Variants in VAC14 observed in about 807,000 individuals in gnomAD.
VAC14 encodes VAC14 component of PIKFYVE complex.
VAC14 carries 47 observed loss-of-function variants against 85.3 expected under a neutral mutation model. The observed-to-expected ratio is 0.55, with a 90% CI of 0.44 to 0.70. The LOEUF is 0.70. Ranked by LOEUF, VAC14 falls within the 30% of genes least tolerant of loss-of-function variation. The pLI is 0.00. For missense variants in VAC14, 861 were observed against 1,004.3 expected (o/e 0.86, Z 1.93); for synonymous variants, 447 against 430.5 (o/e 1.04, Z -0.47).
At chr16:70,768,738 A>G in intron 10 of VAC14, 2 of 436,322 alleles carry the variant, frequency 4.6e-6, no homozygotes, top group Admixed American at 5.2e-5. Context: ...CTGGGATGCA[A>G]GGATTGCTTC....
At chr16:70,798,072 A>G (rs533511671) in intron 1 of VAC14, among the ~76,000 whole-genome samples, 4 of 152,296 alleles carry the variant, frequency 2.6e-5, no homozygotes, top group African/African-American at 9.6e-5. Context: ...AACTCTATGC[A>G]TATTATTATT....
chr16:70,697,988 A>AT (rs199673645), intron 15 of VAC14, among the ~76,000 whole-genome samples: 1 of 107,028 alleles, frequency 9.3e-6, no homozygotes, highest in African/African-American at 3.1e-5. Flanking sequence ...TGCAGCCACC[A>AT]CCCCAGCCGG....
At chr16:70,785,188 G>A (rs139605246) in intron 3 of VAC14, among the ~76,000 whole-genome samples, 4 of 152,358 alleles carry the variant, frequency 2.6e-5, no homozygotes, top group African/African-American at 9.6e-5. Context: ...ACTCCTGGAG[G>A]AGGGGACAGG....
chr16:70,757,199 G>T (rs2031939385), intron 12 of VAC14, among the ~76,000 whole-genome samples: 1 of 152,210 alleles, frequency 6.6e-6, no homozygotes, highest in African/African-American at 2.4e-5. Flanking sequence ...AAAGAAAACA[G>T]TTCATGCTGG....
chr16:70,797,438 G>A (rs2034592503), intron 1 of VAC14, among the ~76,000 whole-genome samples: 1 of 152,160 alleles, frequency 6.6e-6, no homozygotes, highest in Admixed American at 6.5e-5. Context: ...GGATTAGCAT[G>A]GGGCAAATAT....
intron 12 of VAC14, among the ~76,000 whole-genome samples, chr16:70,754,666 C>T (rs1034156453): frequency 6.6e-6 from 1 of 152,196 alleles, no homozygotes; most frequent in Admixed American, 6.5e-5. Context: ...CCCAGCTCCT[C>T]TCCCCTGCAG....
At chr16:70,768,713 T>A (rs2032994638) in intron 10 of VAC14, 3 of 422,338 alleles carry the variant, frequency 7.1e-6, no homozygotes, top group South Asian at 5.0e-5. Flanking sequence ...AAGTGAGAAA[T>A]CTTTCATAAA....
intron 1 of VAC14, among the ~76,000 whole-genome samples, chr16:70,798,143 C>T (rs2034624700): frequency 1.3e-5 from 2 of 152,140 alleles, no homozygotes; most frequent in African/African-American, 4.8e-5. Flanking sequence ...CTCAGGGTCA[C>T]CTAGCCAGTA....
intron 14 of VAC14, among the ~76,000 whole-genome samples, chr16:70,708,725 G>A (rs1488608809): frequency 6.6e-6 from 1 of 152,194 alleles, no homozygotes; most frequent in Non-Finnish European, 1.5e-5. Flanking sequence ...GGACCGATGG[G>A]GTATCTGCTG....
chr16:70,722,115 C>A (rs553043128), intron 14 of VAC14, among the ~76,000 whole-genome samples: 2 of 152,308 alleles, frequency 1.3e-5, no homozygotes, highest in South Asian at 4.1e-4. Flanking sequence ...GGCAAATGAC[C>A]CAAGGCCCCC....
intron 9 of VAC14, among the ~76,000 whole-genome samples, chr16:70,780,331 C>T (rs1430763253): frequency 6.6e-6 from 1 of 152,018 alleles, no homozygotes; most frequent in African/African-American, 2.4e-5. Context: ...GAGAATGACC[C>T]GCATGGTAAA....
In VAC14 at chr16:70,784,797, C is replaced by T. The variant is rs776563493; in HGVS notation, c.465G>A (p.Glu155=). Residue 155 remains glutamate, a synonymous_variant, in exon 4 of 19, where the codon GAG becomes GAA. Transcript: ENST00000261776. ...ATACCTTTAAAAGGCGGTCTAGGAGCTCAGATCCGCTTTTCACATTGGGGT... is the reference window on the plus strand; with the variant it reads ...ATACCTTTAAAAGGCGGTCTAGGAGTTCAGATCCGCTTTTCACATTGGGGT... ...DPDPNVKSGS[E]LLDRLLKDIV... The T allele has an allele frequency of 1.2e-6, 2 of 1,614,098 alleles. No homozygotes were observed. The highest frequency in any genetic ancestry group is 2.2e-5 in the East Asian group (1 of 44,892).
intron 1 of VAC14, among the ~76,000 whole-genome samples, chr16:70,789,221 A>G (rs1352389055): frequency 6.6e-6 from 1 of 152,228 alleles, no homozygotes. Context: ...GGACTCAAAC[A>G]TCAGAGGGGG....
chr16:70,796,128 G>A (rs2034535461), intron 1 of VAC14, among the ~76,000 whole-genome samples: 1 of 152,202 alleles, frequency 6.6e-6, no homozygotes, highest in Non-Finnish European at 1.5e-5. Flanking sequence ...AGGAAATTGT[G>A]TGGTCCTGTG....
rs769251207 is a variant in VAC14 at position 70,772,146 on chromosome 16, T to C, written c.1123A>G (p.Ser375Gly). 2 of 1,614,114 alleles carry C rather than the reference T, an allele frequency of 1.2e-6. No homozygotes were observed. The highest frequency in any genetic ancestry group is 1.7e-6 in the Non-Finnish European group (2 of 1,180,020). The change falls in exon 10 of 19, where the codon AGC (serine) becomes GGC (glycine). Residue 375 changes from serine (S) to glycine (G), a missense_variant. Physicochemically the swap from Ser to Gly is moderately conservative, Grantham distance 56. Transcript: ENST00000261776. ...SGGPDGSCDS[S>G]FSSGISVFTA... ...AAGACACTGATGCCGCTACTGAAGC[T>C]GGAGTCACAGGAACCATCTGGACCT...
intron 12 of VAC14, among the ~76,000 whole-genome samples, chr16:70,757,229 T>A (rs371774638): frequency 2.0e-4 from 31 of 152,352 alleles, no homozygotes; most frequent in African/African-American, 4.8e-4. Flanking sequence ...CCAGCAGGGC[T>A]TGCCTTCTCG....
rs200092069 is a variant in VAC14, at chr16:70,687,967, G to A, written c.2310C>T (p.Ser770=). Residue 770 remains serine, a synonymous_variant, in exon 19 of 19, where the codon AGC becomes AGT. Coordinates refer to ENST00000261776, the MANE Select transcript of VAC14 (RefSeq NM_018052.5). Reference sequence around the variant, plus strand: ...TCCGGTCCAGGTGGTCCCCACGCCCGCTCCGCTGGTGCCGCACTTCCAGGT... The same window carrying A: ...TCCGGTCCAGGTGGTCCCCACGCCCACTCCGCTGGTGCCGCACTTCCAGGT... ...NKHLEVRHQR[S]GRGDHLDRRV... is the part of the protein sequence containing the mutation. 5.8e-5 allele frequency: 92 copies of A among 1,589,588 alleles called. No individual in the cohort carries two copies. Among genetic ancestry groups the A allele is most frequent in the Middle Eastern group, 2.0e-4 (1 of 5,104 alleles).
At chr16:70,759,093 G>A (rs1339111956) in intron 12 of VAC14, among the ~76,000 whole-genome samples, 1 of 152,172 alleles carries the variant, frequency 6.6e-6, no homozygotes, top group African/African-American at 2.4e-5. Context: ...CAGCAGAGCT[G>A]GGTCTCTGAG....
intron 1 of VAC14, among the ~76,000 whole-genome samples, chr16:70,797,140 G>A (rs2034580521): frequency 6.6e-6 from 1 of 152,194 alleles, no homozygotes; most frequent in South Asian, 2.1e-4. Flanking sequence ...CTAAAATCAA[G>A]ATGTTGGCAG....
Sources: gnomAD v4.1 joint callset for allele counts (sites outside exome capture counted in the v4.1 genomes callset) on GRCh38, gnomAD v4.1.1 for gene constraint, MANE v1.5 for transcripts, NCBI Gene and HGNC (gene_info 2026-07-23, HGNC 2026-07-21) for gene names.